The following PCDH9 variants were observed in gnomAD, a reference collection of about 807,000 sequenced individuals.
The protein encoded by PCDH9 is protocadherin-9.
Under a neutral mutation model 70.6 loss-of-function variants are expected in PCDH9, and 24 were observed. The ratio of observed to expected loss-of-function variants is 0.34; its 90% confidence interval spans 0.25 to 0.48. The LOEUF is 0.48. PCDH9 is among the 20% of genes least tolerant of loss of function. PCDH9 has a pLI of 0.99. For missense variants in PCDH9, 1,281 were observed against 1,503.6 expected, an observed-to-expected ratio of 0.85 and a Z score of 2.45; for synonymous variants, 562 against 558.5, an observed-to-expected ratio of 1.01 and a Z score of -0.09.
rs534329872 is a variant in PCDH9, at chr13:66,526,983, G to C, written c.3340+104227C>G. ...TGCTTGGTTGAACTAAATGTTAGCA[G>C]GTAGGCCACGAAGTGGCTGTGGGGT... is the stretch of plus-strand genomic sequence containing the variant. On this transcript the variant is annotated intron_variant, in intron 4 of 4. Transcript: ENST00000377865. Among the ~76,000 whole-genome samples, 6 of 152,288 alleles carry C rather than the reference G, an allele frequency of 3.9e-5. No homozygotes were observed. The South Asian group carries it at 1.2e-3, about 32-fold the overall frequency.
intron 4 of PCDH9, 78 bp from the exon 5 acceptor site, chr13:66,305,106 ATGT>A: frequency 8.1e-7 from 1 of 1,231,666 alleles, no homozygotes; most frequent in South Asian, 1.6e-5. Flanking sequence ...GAGAAAAAGT[ATGT>A]TATTAGTGAT....
chr13:67,228,290 G>A lies in PCDH9; in HGVS notation c.151C>T (p.His51Tyr). ...GNIPKDLNIS[H>Y]INAATGTSAS... ...CTGGTCCCTGTGGCAGCATTGATGT[G>A]AGAAATGTTCAGATCCTTTGGTATG... Residue 51 changes from histidine (H) to tyrosine (Y), a missense_variant, in exon 2 of 5, where the codon CAC becomes TAC. His to Tyr is a moderately conservative substitution (Grantham distance 83). This residue lies in a region of PCDH9 where 798 missense variants were observed against 1,003.1 expected (regional missense o/e 0.80). Transcript: ENST00000377865. The A allele has an allele frequency of 1.2e-6, 2 of 1,614,144 alleles. No homozygotes were observed. Among genetic ancestry groups the A allele is most frequent in the African/African-American group, 1.3e-5 (1 of 75,032 alleles).
At chr13:66,708,300 C>T (rs941705087) in intron 3 of PCDH9, among the ~76,000 whole-genome samples, 2 of 152,088 alleles carry the variant, frequency 1.3e-5, no homozygotes, top group Admixed American at 6.5e-5. Context: ...CCGCCCGCCT[C>T]GGCCTCCCAA....
intron 2 of PCDH9, among the ~76,000 whole-genome samples, chr13:67,171,815 T>G (rs1367564674): frequency 2.0e-5 from 3 of 152,166 alleles, no homozygotes; most frequent in African/African-American, 7.2e-5. Context: ...AATGTAGCAG[T>G]AAATGAAATG....
At chr13:66,680,873 G>T (rs2078309863) in intron 3 of PCDH9, among the ~76,000 whole-genome samples, 1 of 151,956 alleles carries the variant, frequency 6.6e-6, no homozygotes, top group Non-Finnish European at 1.5e-5. Context: ...GAAAATAGCA[G>T]TAATATTAAC....
intron 2 of PCDH9, among the ~76,000 whole-genome samples, chr13:67,142,848 A>AAC (rs2087429204): frequency 6.6e-6 from 1 of 150,682 alleles, no homozygotes; most frequent in Non-Finnish European, 1.5e-5. Flanking sequence ...AAAATACAAA[A>AAC]AAAAAAAAAA....
rs186771173 is a variant in PCDH9 at position 66,817,083 on chromosome 13, A to T, written c.3138+86421T>A. On this transcript the variant is annotated intron_variant, in intron 3 of 4. Coordinates refer to ENST00000377865, the MANE Select transcript of PCDH9 (RefSeq NM_203487.3). The stretch of plus-strand genomic sequence containing the variant: ...GCAAACAACTATTTGCATAGCATGT[A>T]CATTGTATTAGGTATTATAATTAAT... Among the ~76,000 whole-genome samples, 64 of 152,226 alleles carry T rather than the reference A, an allele frequency of 4.2e-4. 1 individual carries two copies. Among genetic ancestry groups the T allele is most frequent in the Non-Finnish European group, 6.8e-4 (46 of 68,014 alleles).
intron 4 of PCDH9, among the ~76,000 whole-genome samples, chr13:66,447,303 A>G (rs2138418405): frequency 6.6e-6 from 1 of 152,202 alleles, no homozygotes; most frequent in African/African-American, 2.4e-5. Context: ...ATTAAGAGTT[A>G]ACATAACTAA....
intron 3 of PCDH9, among the ~76,000 whole-genome samples, chr13:66,879,056 T>C (rs781178322): frequency 3.9e-5 from 6 of 152,194 alleles, no homozygotes; most frequent in Admixed American, 6.5e-5. Context: ...GAAGCTCTTA[T>C]GTGTGAAAGG....
intron 2 of PCDH9, among the ~76,000 whole-genome samples, chr13:67,159,225 A>T (rs1451953698): frequency 6.6e-6 from 1 of 152,162 alleles, no homozygotes; most frequent in East Asian, 1.9e-4. Flanking sequence ...CCTGGATTTG[A>T]CCGGGATTGG....
chr13:66,412,975 AG>A (rs1255666417), intron 4 of PCDH9, among the ~76,000 whole-genome samples: 2 of 152,220 alleles, frequency 1.3e-5, no homozygotes, highest in Admixed American at 1.3e-4. Context: ...AGATATTTTC[AG>A]TGGGGTCTGT....
At position 67,074,163 on chromosome 13, in the gene PCDH9, C is replaced by G. The variant is rs143459679; in HGVS notation, c.3036+151242G>C. ...CTTACTGCTATAGACTGAATGTGTT[C>G]TCTCAAAATTCATATGTTGAAATTC... On this transcript the variant is annotated intron_variant, in intron 2 of 4. Transcript: ENST00000377865. Among the ~76,000 whole-genome samples the G allele has an allele frequency of 3.6e-3, 548 of 152,038 alleles. 3 individuals are homozygous for G. Among genetic ancestry groups the G allele is most frequent in the Non-Finnish European group, 6.2e-3 (423 of 67,978 alleles).
At chr13:66,556,715 C>T (rs1230935349) in intron 4 of PCDH9, among the ~76,000 whole-genome samples, 1 of 152,008 alleles carries the variant, frequency 6.6e-6, no homozygotes, top group Non-Finnish European at 1.5e-5. Context: ...GAATAAAATT[C>T]TAAAGTATTA....
At chr13:67,187,693 T>G (rs2088794706) in intron 2 of PCDH9, among the ~76,000 whole-genome samples, 1 of 152,008 alleles carries the variant, frequency 6.6e-6, no homozygotes, top group South Asian at 2.1e-4. Context: ...GCAACTATAT[T>G]CACAATATAG....
At chr13:66,500,677 A>G (rs1005305715) in intron 4 of PCDH9, among the ~76,000 whole-genome samples, 4 of 152,094 alleles carry the variant, frequency 2.6e-5, no homozygotes, top group Non-Finnish European at 4.4e-5. Context: ...TTTTATTATC[A>G]GTTTCCAAAG....
intron 4 of PCDH9, among the ~76,000 whole-genome samples, chr13:66,443,630 T>A (rs1958015906): frequency 6.6e-6 from 1 of 152,170 alleles, no homozygotes; most frequent in Non-Finnish European, 1.5e-5. Context: ...GTCACAATTT[T>A]ACATGAAATG....
intron 4 of PCDH9, among the ~76,000 whole-genome samples, chr13:66,307,886 A>G (rs919850560): frequency 2.6e-5 from 4 of 152,120 alleles, no homozygotes; most frequent in African/African-American, 7.2e-5. Context: ...TGAGTGACAC[A>G]TTTTAAGAAA....
chr13:66,574,605 T>C (rs1204413778), intron 4 of PCDH9, among the ~76,000 whole-genome samples: 1 of 152,212 alleles, frequency 6.6e-6, no homozygotes, highest in Non-Finnish European at 1.5e-5. Context: ...CCACACTTAA[T>C]GCATCTTTCA....
At chr13:66,738,702 C>G (rs556311204) in intron 3 of PCDH9, among the ~76,000 whole-genome samples, 25 of 149,680 alleles carry the variant, frequency 1.7e-4, no homozygotes, top group South Asian at 1.3e-3. Flanking sequence ...AATGCAGAAG[C>G]CTCAGGAGCC....
Sources: gnomAD v4.1 joint callset for allele counts (sites outside exome capture counted in the v4.1 genomes callset) on GRCh38, gnomAD v4.1.1 for gene constraint, gnomAD v4.1.1 regional missense constraint, MANE v1.5 for transcripts, NCBI Gene and HGNC (gene_info 2026-07-23, HGNC 2026-07-21) for gene names.